DNAH10: variants seen among roughly 807,000 people sequenced by gnomAD.
The protein encoded by DNAH10 is dynein axonemal heavy chain 10.
A neutral mutation model predicts 506.6 loss-of-function variants in DNAH10; 348 were observed. The ratio of observed to expected loss-of-function variants is 0.69; its 90% confidence interval spans 0.63 to 0.75. The LOEUF (loss-of-function observed/expected upper bound fraction) is 0.75. Ranked by LOEUF, DNAH10 falls within the 30% of genes least tolerant of loss-of-function variation. The pLI is 0.00. For synonymous variants in DNAH10, 2,059 were observed against 2,198.6 expected, an observed-to-expected ratio of 0.94 and a Z score of 1.78; for missense variants, 5,179 against 5,787.1, an observed-to-expected ratio of 0.89 and a Z score of 3.41.
rs1953860737 is a variant in DNAH10, at chr12:123,907,893, C to T, written c.9816-1368C>T. 1.3e-5 allele frequency among the ~76,000 whole-genome samples: 2 copies of T among 152,166 alleles called. No individual in the cohort carries two copies. Among genetic ancestry groups the T allele is most frequent in the Non-Finnish European group, 2.9e-5 (2 of 68,020 alleles). ...TCAGGGCCTTTCTTTCATCACTGGG[C>T]TTTGTGCTGAAGTGTGGGCGCCCTC... On this transcript the variant is annotated intron_variant, in intron 57 of 78. Coordinates refer to ENST00000673944, the MANE Select transcript of DNAH10 (RefSeq NM_001372106.1). This position sits in a 1 kb window ranked among gnomAD's most constrained non-coding sequence, Gnocchi z 4.4.
At chr12:123,763,470 C>T (rs1240374505) in intron 1 of DNAH10, among the ~76,000 whole-genome samples, 2 of 152,082 alleles carry the variant, frequency 1.3e-5, no homozygotes, top group Non-Finnish European at 2.9e-5. Flanking sequence ...CCTTGCAGGG[C>T]CTCTCACTGG....
chr12:123,884,112 C>A (rs1952627178), intron 51 of DNAH10, among the ~76,000 whole-genome samples: 1 of 152,060 alleles, frequency 6.6e-6, no homozygotes, highest in African/African-American at 2.4e-5. Context: ...CGGCTCACTG[C>A]AACCTCTGCC....
intron 54 of DNAH10, among the ~76,000 whole-genome samples, chr12:123,896,901 A>T (rs1953275840): frequency 2.0e-5 from 3 of 152,162 alleles, no homozygotes; most frequent in African/African-American, 4.8e-5. Context: ...TACATGTGGC[A>T]CTAATCACAT....
rs751585798 is a variant in DNAH10, at chr12:123,929,729, G to A, written c.12582G>A (p.Pro4194=). The change falls in exon 72 of 79, where the codon CCG becomes CCA. Residue 4194 remains proline, a synonymous_variant. Transcript: ENST00000673944. ...TCCAGCAACGGGACCCAAGGATCCCGTGGGGCAGCCTCAAGTACCTAATTG... is the reference window on the plus strand; with the variant it reads ...TCCAGCAACGGGACCCAAGGATCCCATGGGGCAGCCTCAAGTACCTAATTG... ...KAFQQRDPRI[P]WGSLKYLIGE... is the part of the protein sequence containing the mutation. 14 of 1,613,196 alleles carry A rather than the reference G, an allele frequency of 8.7e-6. No individual in the cohort carries two copies. The highest frequency in any genetic ancestry group is 2.2e-5 in the East Asian group (1 of 44,868).
rs201016235 is a variant in DNAH10, at chr12:123,845,984, C to T, written c.5644C>T (p.Arg1882Ter). 6.1e-5 allele frequency: 98 copies of T among 1,613,858 alleles called. No homozygotes were observed. Among genetic ancestry groups the T allele is most frequent in the Middle Eastern group, 1.6e-4 (1 of 6,062 alleles). Residue 1882 changes from arginine (R) to a stop codon, truncating the protein, a stop_gained, in exon 32 of 79, where the codon CGA becomes TGA. Coordinates refer to ENST00000673944, the MANE Select transcript of DNAH10 (RefSeq NM_001372106.1). LOFTEE classifies it high-confidence loss of function. ...SFIRGSILEA[R>*]EFDWESQLRF... is the part of the protein sequence containing the mutation. ...CTTGCCGTCCAGTATCCTGGAGGCCCGAGAGTTTGACTGGGAAAGTCAGTT... is the reference window on the plus strand; with the variant it reads ...CTTGCCGTCCAGTATCCTGGAGGCCTGAGAGTTTGACTGGGAAAGTCAGTT...
chr12:123,856,312 A>G (rs923629230), intron 36 of DNAH10, among the ~76,000 whole-genome samples: 6 of 149,008 alleles, frequency 4.0e-5, no homozygotes, highest in Admixed American at 2.0e-4. Flanking sequence ...GTGTATATAT[A>G]TGTGTGTGTG....
intron 56 of DNAH10, among the ~76,000 whole-genome samples, chr12:123,900,688 A>C (rs1295833703): frequency 6.6e-6 from 1 of 152,190 alleles, no homozygotes; most frequent in Non-Finnish European, 1.5e-5. Flanking sequence ...GTGGAAACGC[A>C]TTGATTCCAG....
At chr12:123,778,431 G>A (rs1214914169) in intron 5 of DNAH10, among the ~76,000 whole-genome samples, 6 of 152,156 alleles carry the variant, frequency 3.9e-5, no homozygotes, top group South Asian at 2.1e-4. Context: ...GCAGTGACTC[G>A]TGCCTGTAAT....
At chr12:123,786,125 C>T (rs1157766655) in intron 9 of DNAH10, among the ~76,000 whole-genome samples, 189 bp downstream of exon 9, 1 of 151,794 alleles carries the variant, frequency 6.6e-6, no homozygotes, top group Admixed American at 6.6e-5. Context: ...GCCGAGGTGG[C>T]GGATTGCTTG....
At chr12:123,814,076 T>C (rs1959051145) in intron 21 of DNAH10, 164 bp downstream of exon 21, 1 of 632,110 alleles carries the variant, frequency 1.6e-6, no homozygotes, top group South Asian at 2.6e-5. Flanking sequence ...TTTAGAATAA[T>C]GAAAATATAG....
intron 64 of DNAH10, among the ~76,000 whole-genome samples, chr12:123,918,401 C>T (rs896305478): frequency 1.3e-5 from 2 of 152,176 alleles, no homozygotes; most frequent in Non-Finnish European, 2.9e-5. Flanking sequence ...CTCCTGGAGT[C>T]GGGGTGGAAC....
Position 123,867,504 on chromosome 12 carries a change from A to T in DNAH10, c.7205A>T (p.Tyr2402Phe). Residue 2402 changes from tyrosine to phenylalanine, a missense_variant, in exon 42 of 79, where the codon TAT (tyrosine) becomes TTT (phenylalanine). By Grantham distance (22) the Tyr-to-Phe change is conservative. Around this residue, in one of 3 missense-constraint regions of DNAH10, gnomAD observed 4,844 missense variants for 5,430.5 expected, o/e 0.89. Transcript: ENST00000673944. ...QYNLNSLFEK[Y>F]VPYLMDVIVE... The stretch of plus-strand genomic sequence containing the variant: ...AATTTGAATAGTCTCTTTGAGAAGT[A>T]TGTGCCCTATCTCATGGATGTGATA... 1 of 1,613,948 alleles carries T rather than the reference A, an allele frequency of 6.2e-7. No individual in the cohort carries two copies. Among genetic ancestry groups the T allele is most frequent in the Non-Finnish European group, 8.5e-7 (1 of 1,179,860 alleles).
chr12:123,847,372 T>G (rs74845736), intron 32 of DNAH10, among the ~76,000 whole-genome samples: 3,710 of 148,806 alleles, frequency 0.025, 143 homozygotes, highest in African/African-American at 0.086. Flanking sequence ...AGGAGGAGAT[T>G]TATTATGAGG....
chr12:123,872,306 C>T (rs148971409), intron 45 of DNAH10, among the ~76,000 whole-genome samples: 1 of 152,222 alleles, frequency 6.6e-6, no homozygotes, highest in African/African-American at 2.4e-5. Context: ...TAGGGATTTG[C>T]AGGCAGTGGG....
intron 19 of DNAH10, 59 bp downstream of exon 19, chr12:123,809,012 C>A: frequency 2.5e-6 from 4 of 1,598,570 alleles, no homozygotes; most frequent in Non-Finnish European, 3.4e-6. Flanking sequence ...CCTCCGCCTC[C>A]CAAAGTGCTG....
intron 27 of DNAH10, among the ~76,000 whole-genome samples, chr12:123,833,691 T>C (rs962106134): frequency 6.6e-6 from 1 of 152,238 alleles, no homozygotes; most frequent in Non-Finnish European, 1.5e-5. Flanking sequence ...TATTTTACAT[T>C]CCTTTTCGAT....
At chr12:123,795,428 G>T (rs1594045571) in intron 12 of DNAH10, among the ~76,000 whole-genome samples, 1 of 152,124 alleles carries the variant, frequency 6.6e-6, no homozygotes, top group African/African-American at 2.4e-5. Flanking sequence ...TTCCCTTCGG[G>T]AGTCTCTAGG....
At chr12:123,813,969 C>G (rs1959046948) in intron 21 of DNAH10, 57 bp downstream of exon 21, 9 of 1,477,982 alleles carry the variant, frequency 6.1e-6, no homozygotes, top group Admixed American at 2.8e-5. Flanking sequence ...ACTAACGACC[C>G]TTTTCAGAAA....
At position 123,934,826 on chromosome 12, in the gene DNAH10, T is replaced by C. The variant is rs1235588398; in HGVS notation, c.13623+60T>C. The C allele has an allele frequency of 3.8e-6, 6 of 1,599,122 alleles. No individual in the cohort carries two copies. The African/African-American group carries it at 4.0e-5, about 11-fold the overall frequency. On this transcript the variant is annotated intron_variant, in intron 78 of 78. Transcript: ENST00000673944. ...GCCCTTCCTCTTCTGACTGTAGTTA[T>C]GGCTGAGGTGGTTTCCAACAGTCCT... is the stretch of plus-strand genomic sequence containing the variant.
Sources: gnomAD v4.1 joint callset for allele counts (sites outside exome capture counted in the v4.1 genomes callset) on GRCh38, gnomAD v4.1.1 for gene constraint, gnomAD v4.1.1 regional missense constraint, Gnocchi (gnomAD v3.1) non-coding constraint, MANE v1.5 for transcripts, NCBI Gene and HGNC (gene_info 2026-07-23, HGNC 2026-07-21) for gene names.